The following CTNNA2 variants were observed in gnomAD, a reference collection of about 807,000 sequenced individuals.
CTNNA2 encodes catenin alpha 2.
CTNNA2 carries 42 observed loss-of-function variants against 101.0 expected under a neutral mutation model. That is an observed-to-expected ratio of 0.42 (90% CI 0.32 to 0.54). The LOEUF (loss-of-function observed/expected upper bound fraction) is 0.54, where lower values mean the gene tolerates loss of function less well. Among genes scored for constraint, CTNNA2 ranks in the 20% least tolerant of loss-of-function variants. The pLI is 0.14. For missense variants in CTNNA2, 871 were observed against 1,223.1 expected (o/e 0.71, Z 4.29); for synonymous variants, 450 against 456.4 (o/e 0.99, Z 0.18).
intron 18 of CTNNA2, among the ~76,000 whole-genome samples, chr2:80,621,788 A>G (rs182146125): frequency 7.9e-5 from 12 of 151,970 alleles, no homozygotes; most frequent in Admixed American, 3.9e-4. Context: ...TTGCTCCTGA[A>G]TTTGAGGAAT....
intron 1 of CTNNA2, among the ~76,000 whole-genome samples, chr2:79,567,852 C>G (rs1675211620): frequency 6.6e-6 from 1 of 152,118 alleles, no homozygotes; most frequent in African/African-American, 2.4e-5. Flanking sequence ...ACTGGAGGCT[C>G]TAATCAGGAA....
chr2:79,433,011 G>A (rs1678673575), intron 4 of CTNNA2, among the ~76,000 whole-genome samples: 1 of 152,188 alleles, frequency 6.6e-6, no homozygotes, highest in African/African-American at 2.4e-5. Context: ...AATAGCAACT[G>A]GAGTAAATGC....
intron 7 of CTNNA2, among the ~76,000 whole-genome samples, chr2:80,003,857 A>G (rs937191300): frequency 4.6e-5 from 7 of 152,176 alleles, no homozygotes; most frequent in African/African-American, 1.7e-4. Flanking sequence ...TTTTAACTCC[A>G]TTCAATAGAT....
intron 7 of CTNNA2, among the ~76,000 whole-genome samples, chr2:80,252,982 G>A (rs1281128887): frequency 6.6e-6 from 1 of 152,038 alleles, no homozygotes; most frequent in African/African-American, 2.4e-5. Context: ...CTAAAGTAAG[G>A]CCAGGAAGCA....
At chr2:79,827,158 C>A (rs192297374) in intron 3 of CTNNA2, among the ~76,000 whole-genome samples, 116 of 152,160 alleles carry the variant, frequency 7.6e-4, no homozygotes, top group Admixed American at 1.2e-3. Context: ...TATGCCGCAG[C>A]CTCCCGAGTA....
chr2:79,333,990 G>C (rs1000026026), intron 3 of CTNNA2, among the ~76,000 whole-genome samples: 1 of 152,038 alleles, frequency 6.6e-6, no homozygotes, highest in Non-Finnish European at 1.5e-5. Context: ...ATGGAGTACT[G>C]TGTGATATTT....
chr2:80,532,109 G>T (rs1370085421), intron 9 of CTNNA2, among the ~76,000 whole-genome samples: 2 of 152,072 alleles, frequency 1.3e-5, no homozygotes. Flanking sequence ...TTTTAGATAG[G>T]GTTGACAGAG....
intron 18 of CTNNA2, among the ~76,000 whole-genome samples, chr2:80,635,614 A>C (rs1377505083): frequency 6.6e-6 from 1 of 152,176 alleles, no homozygotes; most frequent in African/African-American, 2.4e-5. Context: ...GGTAGAAGTG[A>C]TATTAATATA....
chr2:79,701,927 G>A (rs1436993417), intron 2 of CTNNA2, among the ~76,000 whole-genome samples: 6 of 149,808 alleles, frequency 4.0e-5, no homozygotes, highest in African/African-American at 7.4e-5. Context: ...TCTTGAATCC[G>A]GGAGATGGGG....
In CTNNA2 at chr2:79,465,268, A is replaced by G. The variant is rs192589491; in HGVS notation, c.-134-39786A>G. 2.6e-5 allele frequency among the ~76,000 whole-genome samples: 4 copies of G among 152,244 alleles called. No homozygotes were observed. The East Asian group carries it at 7.7e-4, about 29-fold the overall frequency. ...CCTTTCTCCATTTCTTGTTTTTGTC[A>G]GGTTCATCAAAGATCAGATGGTTGT... is the stretch of plus-strand genomic sequence containing the variant. On this transcript the variant is annotated intron_variant, in intron 4 of 21. Coordinates refer to the CTNNA2 transcript ENST00000466387.
chr2:79,413,524 T>C (rs1678441340), intron 4 of CTNNA2, among the ~76,000 whole-genome samples: 1 of 152,068 alleles, frequency 6.6e-6, no homozygotes, highest in Non-Finnish European at 1.5e-5. Flanking sequence ...GCAATAATCA[T>C]GGGAGTGTGA....
At chr2:80,477,512 C>T (rs1490831948) in intron 9 of CTNNA2, among the ~76,000 whole-genome samples, 1 of 152,058 alleles carries the variant, frequency 6.6e-6, no homozygotes, top group African/African-American at 2.4e-5. Context: ...ACCTCCCACC[C>T]ATCCTTTCCC....
At chr2:79,284,760 T>C (rs1167141931) in intron 2 of CTNNA2, among the ~76,000 whole-genome samples, 1 of 150,574 alleles carries the variant, frequency 6.6e-6, no homozygotes, top group African/African-American at 2.5e-5. Context: ...GGTATCCGGA[T>C]GATGCTGGCC....
chr2:80,155,374 A>T (rs1401923640), intron 7 of CTNNA2, among the ~76,000 whole-genome samples: 1 of 152,186 alleles, frequency 6.6e-6, no homozygotes, highest in East Asian at 1.9e-4. Flanking sequence ...TCACCACATG[A>T]TCAAGCCTAA....
At chr2:79,580,082 G>T (rs1676055601) in intron 1 of CTNNA2, among the ~76,000 whole-genome samples, 1 of 152,148 alleles carries the variant, frequency 6.6e-6, no homozygotes, top group African/African-American at 2.4e-5. Flanking sequence ...TGGTCAAGAG[G>T]TGTCCATTGT....
intron 3 of CTNNA2, among the ~76,000 whole-genome samples, chr2:79,335,865 C>T (rs1480457971): frequency 6.6e-6 from 1 of 152,190 alleles, no homozygotes; most frequent in Non-Finnish European, 1.5e-5. Flanking sequence ...AGGAAACTTG[C>T]ACCTGGGAAA....
intron 3 of CTNNA2, among the ~76,000 whole-genome samples, chr2:79,789,167 G>C (rs191467837): frequency 6.6e-6 from 1 of 152,272 alleles, no homozygotes; most frequent in East Asian, 1.9e-4. Flanking sequence ...TTCTAGTCAC[G>C]AGTCAAACCT....
chr2:79,907,736 GCTGGCACAGAATAGCTGTCTTAT>G (rs1685524745), intron 6 of CTNNA2, among the ~76,000 whole-genome samples: 1 of 152,186 alleles, frequency 6.6e-6, no homozygotes. Flanking sequence ...TCTTGCCAAA[GCTGGCACAGAATAGCTGTCTTAT>G]CTGCAAGATT....
At chr2:79,517,972 G>A (rs575953073) in intron 1 of CTNNA2, among the ~76,000 whole-genome samples, 1 of 152,282 alleles carries the variant, frequency 6.6e-6, no homozygotes, top group Non-Finnish European at 1.5e-5. Flanking sequence ...CAGGGAGGTG[G>A]AGTAAGGATG....
Sources: gnomAD v4.1 joint callset for allele counts (sites outside exome capture counted in the v4.1 genomes callset) on GRCh38, gnomAD v4.1.1 for gene constraint, MANE v1.5 for transcripts, NCBI Gene and HGNC (gene_info 2026-07-23, HGNC 2026-07-21) for gene names.